GRM1: variants seen among roughly 807,000 people sequenced by gnomAD.
GRM1 encodes the protein glutamate metabotropic receptor 1, also known as metabotropic glutamate receptor 1.
Under a neutral mutation model 90.9 loss-of-function variants are expected in GRM1, and 33 were observed. That is an observed-to-expected ratio of 0.36 (90% confidence interval 0.28 to 0.49). The LOEUF (loss-of-function observed/expected upper bound fraction) is 0.49, where lower values mean the gene tolerates loss of function less well. Ranked by LOEUF, GRM1 falls within the 20% of genes least tolerant of loss-of-function variation. GRM1 has a pLI of 0.99. For synonymous variants in GRM1, 700 were observed against 613.2 expected, an observed-to-expected ratio of 1.14 and a Z score of -2.09; for missense variants, 1,190 against 1,534.3, an observed-to-expected ratio of 0.78 and a Z score of 3.75.
At position 146,304,791 on chromosome 6, in the gene GRM1, G is replaced by A; in HGVS notation, c.1131G>A (p.Gln377=). The change falls in exon 3 of 8, where the codon CAG becomes CAA. Residue 377 remains glutamine (Q), a synonymous_variant. Coordinates refer to ENST00000282753, the MANE Select transcript of GRM1 (RefSeq NM_001278064.2). ...WFPEFWQHRF[Q]CRLPGHLLEN... ...CTGAGTTCTGGCAACATCGGTTCCA[G>A]TGCCGCCTTCCAGGACACCTTCTGG... The A allele has an allele frequency of 1.2e-6, 2 of 1,614,094 alleles. No homozygotes were observed. The highest frequency in any genetic ancestry group is 1.7e-6 in the Non-Finnish European group (2 of 1,179,982).
intron 6 of GRM1, among the ~76,000 whole-genome samples, chr6:146,396,526 G>A (rs1776942662): frequency 6.6e-6 from 1 of 152,088 alleles, no homozygotes; most frequent in South Asian, 2.1e-4. Flanking sequence ...ACACTTCTTA[G>A]GCTTACATGT....
At chr6:146,387,114 G>A (rs1776538068) in intron 6 of GRM1, 98 bp downstream of exon 6, 7 of 1,173,882 alleles carry the variant, frequency 6.0e-6, no homozygotes, top group Non-Finnish European at 9.0e-6. Flanking sequence ...TCTTCTCAAT[G>A]TTAATTTACA....
rs1376619572 is a variant in GRM1 at position 146,256,799 on chromosome 6, A to G, written c.951-47812A>G. Among the ~76,000 whole-genome samples the G allele has an allele frequency of 3.9e-5, 6 of 152,188 alleles. No homozygotes were observed. The East Asian group carries it at 1.2e-3, about 29-fold the overall frequency. ...TCCGTCCTATACAATGCTGCTTGTC[A>G]TCTTCCTAAAGTCCTCACGAAATTG... On this transcript the variant is annotated intron_variant, in intron 2 of 7. Coordinates refer to ENST00000282753, the MANE Select transcript of GRM1 (RefSeq NM_001278064.2).
chr6:146,061,351 C>T lies in GRM1; in HGVS notation c.700+31134C>T, dbSNP rs562212082. ...TGTTCTATGCAGGACTGCCACATAC[C>T]TTCAATTTGTAAAAATGCAATATCT... On this transcript the variant is annotated intron_variant, in intron 1 of 7. Transcript: ENST00000282753. Among the ~76,000 whole-genome samples, 4 of 152,210 alleles carry T rather than the reference C, an allele frequency of 2.6e-5. No individual in the cohort carries two copies. In the South Asian group the frequency reaches 8.3e-4, roughly 32 times the overall value.
intron 1 of GRM1, among the ~76,000 whole-genome samples, chr6:146,139,952 C>T (rs1429687099): frequency 9.7e-6 from 1 of 103,464 alleles, no homozygotes; most frequent in Non-Finnish European, 1.9e-5. Flanking sequence ...CTGCCCTCCC[C>T]TCCCCTTCCC....
intron 7 of GRM1, among the ~76,000 whole-genome samples, chr6:146,431,834 T>A (rs1778420638): frequency 6.6e-6 from 1 of 152,222 alleles, no homozygotes; most frequent in Admixed American, 6.5e-5. Context: ...TATATTTGCC[T>A]TTCTAGAAGA....
At chr6:146,270,936 CCTTCCTTCCTTCCTTCCTTT>C (rs1448170072) in intron 2 of GRM1, among the ~76,000 whole-genome samples, 8 of 126,610 alleles carry the variant, frequency 6.3e-5, no homozygotes, top group East Asian at 4.2e-4. Context: ...TTCCTTCCTT[CCTTCCTTCCTTCCTTCCTTT>C]CTTTCTTTCT....
chr6:146,124,906 A>C (rs1181275060), intron 1 of GRM1, among the ~76,000 whole-genome samples: 1 of 152,142 alleles, frequency 6.6e-6, no homozygotes, highest in Non-Finnish European at 1.5e-5. Flanking sequence ...GAAATATGAA[A>C]ATTTTTAAAA....
At chr6:146,291,622 A>T (rs1045478612) in intron 2 of GRM1, among the ~76,000 whole-genome samples, 2 of 151,964 alleles carry the variant, frequency 1.3e-5, no homozygotes, top group African/African-American at 2.4e-5. Context: ...ACTACAAAAG[A>T]TTGCTAAAAA....
chr6:146,172,020 T>C (rs1778146929), intron 2 of GRM1, among the ~76,000 whole-genome samples: 1 of 151,846 alleles, frequency 6.6e-6, no homozygotes, highest in Non-Finnish European at 1.5e-5. Context: ...GGTCCTACCT[T>C]GAGCTTGATG....
At chr6:146,415,046 G>A (rs1777726560) in intron 7 of GRM1, among the ~76,000 whole-genome samples, 1 of 152,154 alleles carries the variant, frequency 6.6e-6, no homozygotes, top group Non-Finnish European at 1.5e-5. Flanking sequence ...GTCTTAGTTT[G>A]TGTGGCTATA....
At chr6:146,200,683 G>A (rs1184026197) in intron 2 of GRM1, among the ~76,000 whole-genome samples, 1 of 152,256 alleles carries the variant, frequency 6.6e-6, no homozygotes, top group Middle Eastern at 3.4e-3. Context: ...ATGGGATTAA[G>A]TATGCAAAAT....
At chr6:146,163,870 C>T (rs966945796) in intron 2 of GRM1, among the ~76,000 whole-genome samples, 1 of 152,034 alleles carries the variant, frequency 6.6e-6, no homozygotes, top group Non-Finnish European at 1.5e-5. Flanking sequence ...TATGATAATT[C>T]ATTAACGGAT....
intron 1 of GRM1, among the ~76,000 whole-genome samples, chr6:146,128,614 A>T (rs1054051540): frequency 9.9e-5 from 15 of 152,178 alleles, no homozygotes; most frequent in African/African-American, 3.6e-4. Flanking sequence ...GTGAATTCTA[A>T]ATTTGCTATC....
At chr6:146,337,195 C>A (rs1189192326) in intron 3 of GRM1, among the ~76,000 whole-genome samples, 3 of 152,192 alleles carry the variant, frequency 2.0e-5, no homozygotes, top group African/African-American at 7.2e-5. Context: ...CAGGACTACA[C>A]TTCTGAAGCA....
At chr6:146,293,467 A>T (rs1357917110) in intron 2 of GRM1, among the ~76,000 whole-genome samples, 1 of 152,038 alleles carries the variant, frequency 6.6e-6, no homozygotes, top group African/African-American at 2.4e-5. Context: ...GATTAATTAA[A>T]TATGATTGTA....
chr6:146,164,162 T>C (rs1777831517), intron 2 of GRM1, among the ~76,000 whole-genome samples: 1 of 152,082 alleles, frequency 6.6e-6, no homozygotes, highest in South Asian at 2.1e-4. Context: ...TTATTGAGGG[T>C]TTGGTAGGTA....
At chr6:146,248,609 T>A (rs1294293581) in intron 2 of GRM1, among the ~76,000 whole-genome samples, 1 of 152,208 alleles carries the variant, frequency 6.6e-6, no homozygotes, top group African/African-American at 2.4e-5. Context: ...CTTCTGTTTA[T>A]AACTTACCCA....
chr6:146,352,941 G>A (rs1785459183), intron 4 of GRM1, among the ~76,000 whole-genome samples: 1 of 152,168 alleles, frequency 6.6e-6, no homozygotes, highest in African/African-American at 2.4e-5. Context: ...AGTATGCAAA[G>A]AGAACTAAGT....
Sources: allele counts gnomAD v4.1 joint callset (sites outside exome capture counted in the v4.1 genomes callset), GRCh38; gene constraint gnomAD v4.1.1; transcripts MANE v1.5; gene names NCBI Gene and HGNC (gene_info 2026-07-23, HGNC 2026-07-21).